NID2: variants seen among roughly 807,000 people sequenced by gnomAD.
NID2 encodes nidogen 2.
A neutral mutation model predicts 145.4 loss-of-function variants in NID2; 83 were observed. That is an observed-to-expected ratio of 0.57 (90% CI 0.48 to 0.69). The LOEUF is 0.69. Ranked by LOEUF, NID2 falls within the 30% of genes least tolerant of loss-of-function variation. NID2 has a pLI of 0.00. For synonymous variants in NID2, 739 were observed against 701.3 expected (o/e 1.05, Z -0.85); for missense variants, 1,807 against 1,765.7 (o/e 1.02, Z -0.42).
chr14:52,043,401 T>C (rs1555364999), intron 5 of NID2, among the ~76,000 whole-genome samples: 1 of 152,180 alleles, frequency 6.6e-6, no homozygotes, highest in Non-Finnish European at 1.5e-5. Flanking sequence ...AGATAATAGC[T>C]GGTCTCGCTA....
At position 52,033,774 on chromosome 14, in the gene NID2, G is replaced by C. The variant is rs375439965; in HGVS notation, c.2258-4084C>G. ...AGTACTGCTGTGTGTGGATGAAGTAGGGTTCAAACACAAAGGGTTTAAAAG... is the reference window on the plus strand; with the variant it reads ...AGTACTGCTGTGTGTGGATGAAGTACGGTTCAAACACAAAGGGTTTAAAAG... On this transcript the variant is annotated intron_variant, in intron 9 of 21. Transcript: ENST00000216286. Among the ~76,000 whole-genome samples, 52 of 152,242 alleles carry C rather than the reference G, an allele frequency of 3.4e-4. No individual in the cohort carries two copies. In the East Asian group the frequency reaches 7.3e-3, roughly 21 times the overall value.
chr14:52,047,504 G>A (rs565401500), intron 5 of NID2, among the ~76,000 whole-genome samples: 1 of 152,184 alleles, frequency 6.6e-6, no homozygotes, highest in Non-Finnish European at 1.5e-5. Context: ...ATCTGAGTGA[G>A]ATGGGAAGCA....
At chr14:52,020,935 A>T (rs1406713523) in intron 12 of NID2, among the ~76,000 whole-genome samples, 1 of 152,194 alleles carries the variant, frequency 6.6e-6, no homozygotes, top group Non-Finnish European at 1.5e-5. Context: ...CTGACACTTC[A>T]AACAAAAGCC....
chr14:52,006,576 A>G lies in NID2; in HGVS notation c.3965T>C (p.Val1322Ala). ...QNNLKYPFSIVSYADHFYHTD... is the reference protein window; with the variant it reads ...QNNLKYPFSIASYADHFYHTD... ...GTGGTAGAAGTGATCTGCATAGCTT[A>G]CGATGCTGAAGGGGTACTTGAGGTT... is the stretch of plus-strand genomic sequence containing the variant. The change falls in exon 20 of 22, where the codon GTA (valine) becomes GCA (alanine). Residue 1322 changes from valine (V) to alanine (A), a missense_variant. Physicochemically the swap from Val to Ala is moderately conservative, Grantham distance 64. Transcript: ENST00000216286. The G allele has an allele frequency of 6.2e-7, 1 of 1,613,864 alleles. No homozygotes were observed. Among genetic ancestry groups the G allele is most frequent in the Non-Finnish European group, 8.5e-7 (1 of 1,179,778 alleles).
chr14:52,019,082 G>T lies in NID2; in HGVS notation c.3007C>A (p.Pro1003Thr). The T allele has an allele frequency of 6.2e-7, 1 of 1,614,006 alleles. No individual in the cohort carries two copies. The highest frequency in any genetic ancestry group is 1.7e-4 in the Middle Eastern group (1 of 6,060). ...TCACCTGGTGATGGTCCACAGTGAG[G>T]CGGGGTGGAGCCAGGTGGAGTCTGG... ...GTQTPPGSTP[P>T]HCGPSPEPTQ... The change falls in exon 14 of 22, where the codon CCT (proline) becomes ACT (threonine). Residue 1003 changes from proline (P) to threonine (T), a missense_variant. By Grantham distance (38) the Pro-to-Thr change is conservative. Coordinates refer to ENST00000216286, the MANE Select transcript of NID2 (RefSeq NM_007361.4).
intron 5 of NID2, among the ~76,000 whole-genome samples, chr14:52,044,207 A>G (rs1892392068): frequency 6.6e-6 from 1 of 152,082 alleles, no homozygotes; most frequent in Non-Finnish European, 1.5e-5. Flanking sequence ...GCAAATAAAA[A>G]TATAACAAAG....
At position 52,006,673 on chromosome 14, in the gene NID2, AG is replaced by A. The variant is rs1222504827; in HGVS notation, c.3881-14del. ...AGTTTTTTGGTTCCTTTTAAAACAAAGGGGGAAAATGAGGTCCTTCAGCTGC... is the reference window on the plus strand; with the variant it reads ...AGTTTTTTGGTTCCTTTTAAAACAAAGGGGAAAATGAGGTCCTTCAGCTGC... On this transcript the variant is annotated splice_polypyrimidine_tract_variant and intron_variant, in intron 19 of 21. Coordinates refer to ENST00000216286, the MANE Select transcript of NID2 (RefSeq NM_007361.4). The A allele has an allele frequency of 6.2e-7, 1 of 1,612,886 alleles. No homozygotes were observed. The highest frequency in any genetic ancestry group is 8.5e-7 in the Non-Finnish European group (1 of 1,179,232).
intron 5 of NID2, among the ~76,000 whole-genome samples, chr14:52,053,197 A>G (rs1012078328): frequency 3.3e-5 from 5 of 152,206 alleles, no homozygotes; most frequent in African/African-American, 1.2e-4. Flanking sequence ...ACCACTTTAA[A>G]AAGCACAAAC....
chr14:52,028,683 A>G (rs1347759415), intron 11 of NID2, 39 bp downstream of exon 11: 5 of 1,605,136 alleles, frequency 3.1e-6, no homozygotes, highest in East Asian at 2.2e-5. Context: ...ATTAAAGAGC[A>G]CCATTTTGGC....
chr14:52,046,027 A>G (rs1288503525), intron 5 of NID2, among the ~76,000 whole-genome samples: 1 of 152,192 alleles, frequency 6.6e-6, no homozygotes, highest in Non-Finnish European at 1.5e-5. Context: ...CTATAGGTCT[A>G]AAGAACAGCC....
intron 9 of NID2, among the ~76,000 whole-genome samples, chr14:52,037,628 C>A (rs1892119163): frequency 6.6e-6 from 1 of 152,136 alleles, no homozygotes; most frequent in Admixed American, 6.6e-5. Flanking sequence ...TTTGGCTATT[C>A]TGTGTTCTTT....
intron 2 of NID2, among the ~76,000 whole-genome samples, chr14:52,060,738 T>C (rs2140431860): frequency 6.6e-6 from 1 of 152,374 alleles, no homozygotes; most frequent in South Asian, 2.1e-4. Flanking sequence ...GTCACTGCCC[T>C]AGTTTATAAC....
chr14:52,040,666 G>A lies in NID2; in HGVS notation c.2011C>T (p.His671Tyr). 6.2e-7 allele frequency: 1 copy of A among 1,613,794 alleles called. No individual in the cohort carries two copies. The highest frequency in any genetic ancestry group is 1.1e-5 in the South Asian group (1 of 91,066). Reference sequence around the variant, plus strand: ...TTATACATACTGGAGTCGGAGTAGTGGTACAGCTCCTTGTAGGGAGAGATG... The same window carrying A: ...TTATACATACTGGAGTCGGAGTAGTAGTACAGCTCCTTGTAGGGAGAGATG... ...AHISPYKELY[H>Y]YSDSTVTSTS... Residue 671 changes from histidine to tyrosine, a missense_variant, in exon 8 of 22, where the codon CAC (histidine) becomes TAC (tyrosine). Physicochemically the swap from His to Tyr is moderately conservative, Grantham distance 83. Coordinates refer to ENST00000216286, the MANE Select transcript of NID2 (RefSeq NM_007361.4).
chr14:52,032,619 C>T lies in NID2; in HGVS notation c.2258-2929G>A, dbSNP rs148179502. ...TTCTCCATTTTAGGAAGATTCTGTA[C>T]AAAATGCCTGGCATACCCCACCAAA... On this transcript the variant is annotated intron_variant, in intron 9 of 21. Transcript: ENST00000216286. Among the ~76,000 whole-genome samples, 37 of 152,258 alleles carry T rather than the reference C, an allele frequency of 2.4e-4. No homozygotes were observed. The East Asian group carries it at 6.7e-3, about 28-fold the overall frequency.
chr14:52,027,680 G>A (rs5028232), intron 11 of NID2, among the ~76,000 whole-genome samples: 144,602 of 149,004 alleles, frequency 0.97, 70,286 homozygotes, highest in Non-Finnish European at 1. Flanking sequence ...AGTTTCTCCT[G>A]TCACTTTTAC....
chr14:52,039,017 T>C (rs769018319), intron 8 of NID2, 40 bp from the exon 9 acceptor site: 4 of 1,398,044 alleles, frequency 2.9e-6, no homozygotes, highest in Non-Finnish European at 3.0e-6. Flanking sequence ...AAATATTAAA[T>C]ACAGAGATTT....
In NID2 at chr14:52,015,118, C is replaced by T; in HGVS notation, c.3186G>A (p.Trp1062Ter). The change falls in exon 15 of 22, where the codon TGG becomes TGA. Residue 1062 changes from tryptophan (W) to a stop codon, truncating the protein, a stop_gained. Transcript: ENST00000216286. LOFTEE classifies it high-confidence loss of function. ...LQCHGKSDFC[W>*]CVDKDGREVQ... ...CCTCTCTGCCATCTTTGTCCACACA[C>T]CAGCAGAAGTCGCTCTTTCCGTGGC... 2 of 1,614,102 alleles carry T rather than the reference C, an allele frequency of 1.2e-6. No homozygotes were observed. Among genetic ancestry groups the T allele is most frequent in the African/African-American group, 1.3e-5 (1 of 75,016 alleles).
At chr14:52,009,166 CAG>C in intron 18 of NID2, 1 of 152,246 alleles carries the variant, frequency 6.6e-6, no homozygotes, top group Admixed American at 6.5e-5. Flanking sequence ...ACAGATGAAG[CAG>C]AGAGAAGCTG....
intron 12 of NID2, among the ~76,000 whole-genome samples, chr14:52,021,477 A>C (rs1255968556): frequency 2.0e-5 from 3 of 152,196 alleles, no homozygotes; most frequent in African/African-American, 7.2e-5. Flanking sequence ...TCATCCTCTA[A>C]TAACTAATGT....
Sources: gnomAD v4.1 joint callset for allele counts (sites outside exome capture counted in the v4.1 genomes callset) on GRCh38, gnomAD v4.1.1 for gene constraint, MANE v1.5 for transcripts, NCBI Gene and HGNC (gene_info 2026-07-23, HGNC 2026-07-21) for gene names.